Variants in PATJ observed in about 807,000 individuals in gnomAD.
The protein encoded by PATJ is PATJ crumbs cell polarity complex component.
A neutral mutation model predicts 224.9 loss-of-function variants in PATJ; 190 were observed. The ratio of observed to expected loss-of-function variants is 0.84; its 90% CI spans 0.75 to 0.95. The LOEUF (loss-of-function observed/expected upper bound fraction) is 0.95. Among genes scored for constraint, PATJ ranks in the 40% least tolerant of loss-of-function variants. The pLI, the probability that PATJ is intolerant of heterozygous loss-of-function variation, is 0.00. For missense variants in PATJ, 2,121 were observed against 2,270.3 expected, an observed-to-expected ratio of 0.93 and a Z score of 1.34; for synonymous variants, 769 against 820.3, an observed-to-expected ratio of 0.94 and a Z score of 1.07.
chr1:61,849,089 TGTG>T (rs1463672077), intron 17 of PATJ, among the ~76,000 whole-genome samples: 4 of 152,252 alleles, frequency 2.6e-5, no homozygotes, highest in Non-Finnish European at 5.9e-5. Context: ...TGTAGTGACA[TGTG>T]GTACAGCATT....
chr1:62,020,111 A>G (rs1646994317), intron 29 of PATJ, among the ~76,000 whole-genome samples: 1 of 152,124 alleles, frequency 6.6e-6, no homozygotes, highest in African/African-American at 2.4e-5. Flanking sequence ...TTGAGGCTGC[A>G]GTGAGCCATG....
chr1:61,986,786 G>A (rs777975568), intron 27 of PATJ, among the ~76,000 whole-genome samples: 1 of 151,958 alleles, frequency 6.6e-6, no homozygotes, highest in Non-Finnish European at 1.5e-5. Context: ...CTAAGAAGTA[G>A]GTTTTAATTT....
At chr1:61,938,250 T>C (rs1417001006) in intron 27 of PATJ, among the ~76,000 whole-genome samples, 1 of 152,202 alleles carries the variant, frequency 6.6e-6, no homozygotes, top group Non-Finnish European at 1.5e-5. Context: ...TCTACTGTCA[T>C]TGATTGGTTG....
intron 31 of PATJ, among the ~76,000 whole-genome samples, chr1:62,053,328 A>C (rs1184240717): frequency 1.3e-5 from 2 of 152,220 alleles, no homozygotes; most frequent in Non-Finnish European, 2.9e-5. Flanking sequence ...CACTGTTTGC[A>C]GTAGAATCTC....
At chr1:62,044,846 G>A (rs1444470122) in intron 30 of PATJ, among the ~76,000 whole-genome samples, 2 of 152,146 alleles carry the variant, frequency 1.3e-5, no homozygotes, top group East Asian at 3.8e-4. Flanking sequence ...TTTTGCAGAG[G>A]GAAATATTTG....
Position 61,936,602 on chromosome 1 carries a change from C to T in PATJ, c.3670+8773C>T, listed in dbSNP as rs932845844. Among the ~76,000 whole-genome samples the T allele has an allele frequency of 1.3e-4, 20 of 152,016 alleles. 1 individual carries two copies. The highest frequency in any genetic ancestry group is 4.8e-4 in the African/African-American group (20 of 41,382). ...CTATTTTTTTTGAGACAGGGTCTCT[C>T]GCTCTGTCACCCAGGCTGGAGTGCA... is the stretch of plus-strand genomic sequence containing the variant. On this transcript the variant is annotated intron_variant, in intron 27 of 43. Coordinates refer to ENST00000642238, the MANE Select transcript of PATJ (RefSeq NM_001350145.3).
At chr1:62,060,894 G>A (rs1171545578) in intron 31 of PATJ, among the ~76,000 whole-genome samples, 1 of 152,126 alleles carries the variant, frequency 6.6e-6, no homozygotes, top group Non-Finnish European at 1.5e-5. Context: ...GTTTCACCAC[G>A]TTGGCCAGGC....
intron 27 of PATJ, among the ~76,000 whole-genome samples, chr1:61,984,633 G>A (rs1464314935): frequency 6.6e-6 from 1 of 152,058 alleles, no homozygotes; most frequent in African/African-American, 2.4e-5. Flanking sequence ...CAAGATAGAT[G>A]CAGGATTATT....
chr1:62,043,728 G>A (rs370826293), intron 30 of PATJ, among the ~76,000 whole-genome samples: 3 of 151,268 alleles, frequency 2.0e-5, no homozygotes, highest in South Asian at 4.2e-4. Context: ...TTTTGGTTTG[G>A]GGGGGGCAGT....
chr1:61,877,826 A>T (rs967774362), intron 21 of PATJ, among the ~76,000 whole-genome samples: 5 of 152,136 alleles, frequency 3.3e-5, no homozygotes, highest in East Asian at 1.9e-4. Flanking sequence ...TTTATTTTTT[A>T]AAAATCTCCC....
In PATJ at chr1:62,159,140, T is replaced by C. The variant is rs1669594201; in HGVS notation, c.5503-1768T>C. ...CAGTAAAATTACTTGTTTAATTTTG[T>C]CTTTAATACAGTTGACACATTACTT... On this transcript the variant is annotated intron_variant, in intron 43 of 43. Coordinates refer to ENST00000642238, the MANE Select transcript of PATJ (RefSeq NM_001350145.3). 2.0e-5 allele frequency among the ~76,000 whole-genome samples: 3 copies of C among 152,228 alleles called. No individual in the cohort carries two copies. In the South Asian group the frequency reaches 6.2e-4, roughly 31 times the overall value.
chr1:61,983,317 T>C (rs1644549608), intron 27 of PATJ, among the ~76,000 whole-genome samples: 1 of 151,444 alleles, frequency 6.6e-6, no homozygotes, highest in Non-Finnish European at 1.5e-5. Flanking sequence ...TTTATTCTCT[T>C]ATTATTATGC....
intron 27 of PATJ, among the ~76,000 whole-genome samples, chr1:61,974,949 G>C (rs553518518): frequency 3.3e-5 from 5 of 151,642 alleles, no homozygotes; most frequent in Non-Finnish European, 5.9e-5. Context: ...GTTTTGTTTT[G>C]TTTTGTTTTG....
At chr1:61,799,244 G>A (rs919185910) in intron 11 of PATJ, among the ~76,000 whole-genome samples, 4 of 152,102 alleles carry the variant, frequency 2.6e-5, no homozygotes, top group Non-Finnish European at 5.9e-5. Flanking sequence ...CCAGACTGGA[G>A]TGCAATGGCG....
intron 29 of PATJ, 27 bp from the exon 30 acceptor site, chr1:62,037,950 G>A (rs1301945743): frequency 1.3e-6 from 2 of 1,546,000 alleles, no homozygotes; most frequent in Non-Finnish European, 1.8e-6. Flanking sequence ...ACTGTGTACT[G>A]ATTCTGCCTA....
chr1:61,910,590 C>G (rs1004552863), intron 25 of PATJ, among the ~76,000 whole-genome samples: 5 of 123,178 alleles, frequency 4.1e-5, no homozygotes, highest in African/African-American at 1.5e-4. Flanking sequence ...TTCTGTCACC[C>G]AGGCTGAGTG....
At chr1:62,045,758 C>T (rs1247857893) in intron 30 of PATJ, among the ~76,000 whole-genome samples, 2 of 152,166 alleles carry the variant, frequency 1.3e-5, no homozygotes, top group Non-Finnish European at 2.9e-5. Context: ...GTCCTCAAAC[C>T]ACTCTAATTC....
intron 20 of PATJ, among the ~76,000 whole-genome samples, chr1:61,870,256 C>A (rs898246684): frequency 2.6e-5 from 4 of 152,150 alleles, no homozygotes; most frequent in Non-Finnish European, 5.9e-5. Context: ...GGTAGGTAAT[C>A]TTCCCCAGAA....
rs1201618167 is a variant in PATJ, at chr1:61,914,581, C to T, written c.3493-6C>T. ...CTTCCCCCCACCCCTTTTTTTGTCA[C>T]CATAGGTCATTCCTAACGTACATAA... On this transcript the variant is annotated splice_polypyrimidine_tract_variant and splice_region_variant and intron_variant, in intron 25 of 43. Transcript: ENST00000642238. The T allele has an allele frequency of 6.9e-7, 1 of 1,450,466 alleles. No individual in the cohort carries two copies. The highest frequency in any genetic ancestry group is 9.6e-7 in the Non-Finnish European group (1 of 1,041,244). 89.8% of individuals were successfully genotyped at this position (1,450,466 alleles called of 1,614,324 possible).
Sources: gnomAD v4.1 joint callset for allele counts (sites outside exome capture counted in the v4.1 genomes callset) on GRCh38, gnomAD v4.1.1 for gene constraint, MANE v1.5 for transcripts, NCBI Gene and HGNC (gene_info 2026-07-23, HGNC 2026-07-21) for gene names.